Variants in NEDD9 observed in about 807,000 individuals in gnomAD.
NEDD9 encodes the protein enhancer of filamentation 1.
In NEDD9, 26 loss-of-function variants were observed where a neutral mutation model predicts 76.6. The ratio of observed to expected loss-of-function variants is 0.34; its 90% CI spans 0.25 to 0.47. NEDD9 has a LOEUF of 0.47. Ranked by LOEUF, NEDD9 falls within the 20% of genes least tolerant of loss-of-function variation. NEDD9 has a pLI of 1.00. For missense variants in NEDD9, 937 were observed against 1,058.5 expected, an observed-to-expected ratio of 0.89 and a Z score of 1.59; for synonymous variants, 392 against 414.2, an observed-to-expected ratio of 0.95 and a Z score of 0.65.
intron 3 of NEDD9, among the ~76,000 whole-genome samples, chr6:11,296,876 A>T (rs563131207): frequency 1.5e-4 from 23 of 152,120 alleles, no homozygotes; most frequent in African/African-American, 5.5e-4. Flanking sequence ...TTACAGGTGC[A>T]CATCACCATG....
At chr6:11,357,505 C>T (rs532900172) in intron 1 of NEDD9, among the ~76,000 whole-genome samples, 2 of 152,320 alleles carry the variant, frequency 1.3e-5, no homozygotes, top group South Asian at 4.1e-4. Flanking sequence ...CATTATTAAC[C>T]TCTAAATAGG....
At chr6:11,201,821 G>A (rs1464924308) in intron 2 of NEDD9, among the ~76,000 whole-genome samples, 4 of 144,852 alleles carry the variant, frequency 2.8e-5, no homozygotes, top group African/African-American at 7.8e-5. Flanking sequence ...TCTATGTCCC[G>A]TGATTCCTCT....
intron 1 of NEDD9, among the ~76,000 whole-genome samples, chr6:11,365,407 A>T (rs1359334326): frequency 2.6e-5 from 4 of 152,238 alleles, no homozygotes; most frequent in African/African-American, 7.2e-5. Flanking sequence ...CTACGTGTAG[A>T]ATTTGGAGGA....
At chr6:11,352,679 T>C (rs2113537588) in intron 1 of NEDD9, 1 of 152,356 alleles carries the variant, frequency 6.6e-6, no homozygotes, top group South Asian at 2.1e-4. Context: ...CTTCTGTTTC[T>C]TCATCTCTAT....
At chr6:11,234,036 G>A (rs1248925328), upstream of NEDD9, among the ~76,000 whole-genome samples, 3 of 152,168 alleles carry the variant, frequency 2.0e-5, no homozygotes, top group African/African-American at 7.2e-5. Context: ...ATACAGGGTT[G>A]GCAGGTTAGT....
At chr6:11,347,708 T>C (rs955661846) in intron 1 of NEDD9, among the ~76,000 whole-genome samples, 3 of 152,186 alleles carry the variant, frequency 2.0e-5, no homozygotes, top group Non-Finnish European at 4.4e-5. Flanking sequence ...ATCATCTCAA[T>C]AGATGAAGAA....
At chr6:11,315,524 G>T (rs968213912) in intron 2 of NEDD9, among the ~76,000 whole-genome samples, 3 of 152,238 alleles carry the variant, frequency 2.0e-5, no homozygotes, top group Non-Finnish European at 2.9e-5. Context: ...AGAAGAATTT[G>T]TTGGGGATTT....
At chr6:11,244,361 A>G (rs1415475280) in intron 3 of NEDD9, among the ~76,000 whole-genome samples, 3 of 152,178 alleles carry the variant, frequency 2.0e-5, no homozygotes, top group African/African-American at 7.2e-5. Context: ...AATTCCCTTT[A>G]AAACAGTGTC....
rs1757910526 is a variant in NEDD9, at chr6:11,183,795, A to C, written c.*1367T>G. 6.6e-6 allele frequency: 1 copy of C among 152,250 alleles called. No homozygotes were observed. The highest frequency in any genetic ancestry group is 2.4e-5 in the African/African-American group (1 of 41,460). The allele number at this position is 152,250 out of a possible 1,614,324, so 9.4% of individuals were successfully genotyped here. ...TGTTTCCAAGTAGGCTGGAATAAAA[A>C]TGCTAAATAAGAACTGGGCCAAAAG... is the stretch of plus-strand genomic sequence containing the variant. On this transcript the variant is annotated 3_prime_UTR_variant, in exon 7 of 7. Transcript: ENST00000379446.
intron 1 of NEDD9, among the ~76,000 whole-genome samples, chr6:11,335,146 G>A (rs1490508718): frequency 6.6e-6 from 1 of 152,098 alleles, no homozygotes; most frequent in Non-Finnish European, 1.5e-5. Context: ...TCACCATTTG[G>A]TGGTGTTGTC....
intron 3 of NEDD9, among the ~76,000 whole-genome samples, chr6:11,249,773 C>T: frequency 6.6e-6 from 1 of 152,184 alleles, no homozygotes; most frequent in Middle Eastern, 3.2e-3. Flanking sequence ...GACCTCTGCT[C>T]ATGGTAGGTA....
At chr6:11,238,886 G>T (rs9468690) in intron 3 of NEDD9, among the ~76,000 whole-genome samples, 1 of 152,032 alleles carries the variant, frequency 6.6e-6, no homozygotes, top group South Asian at 2.1e-4. Flanking sequence ...ATGGCTGTGT[G>T]CGGTAGCTCA....
intron 2 of NEDD9, among the ~76,000 whole-genome samples, chr6:11,310,302 C>T (rs533441401): frequency 2.0e-5 from 3 of 152,364 alleles, no homozygotes; most frequent in African/African-American, 7.2e-5. Context: ...AGCCTCCTCA[C>T]ATGCCCACTT....
chr6:11,276,393 G>A (rs1037146484), intron 3 of NEDD9, among the ~76,000 whole-genome samples: 38 of 152,148 alleles, frequency 2.5e-4, no homozygotes, highest in African/African-American at 9.2e-4. Flanking sequence ...GTGTGTGTGC[G>A]TGCATGTGTG....
chr6:11,230,051 A>T (rs1759424795), intron 1 of NEDD9, among the ~76,000 whole-genome samples: 1 of 152,268 alleles, frequency 6.6e-6, no homozygotes, highest in Non-Finnish European at 1.5e-5. Flanking sequence ...AGAGCAACGT[A>T]GTATTTTAGA....
At chr6:11,316,395 C>A (rs895553030) in intron 2 of NEDD9, among the ~76,000 whole-genome samples, 2 of 152,172 alleles carry the variant, frequency 1.3e-5, no homozygotes. Context: ...TACTCTCACT[C>A]CCACGTCTGA....
At chr6:11,268,212 T>C (rs1037613940) in intron 3 of NEDD9, among the ~76,000 whole-genome samples, 4 of 152,044 alleles carry the variant, frequency 2.6e-5, no homozygotes, top group Non-Finnish European at 5.9e-5. Context: ...GTATTGCTTT[T>C]TAATAGAGTC....
chr6:11,363,049 C>T (rs115475977), intron 1 of NEDD9, among the ~76,000 whole-genome samples: 49 of 151,924 alleles, frequency 3.2e-4, no homozygotes, highest in African/African-American at 8.2e-4. Flanking sequence ...TTTTGAAATC[C>T]GTCTTTGAAA....
intron 2 of NEDD9, among the ~76,000 whole-genome samples, chr6:11,204,404 T>G (rs567943329): frequency 3.3e-5 from 5 of 152,280 alleles, no homozygotes; most frequent in Non-Finnish European, 5.9e-5. Flanking sequence ...GTTACCCATT[T>G]GAAGGAATTT....
Sources: allele counts gnomAD v4.1 joint callset (sites outside exome capture counted in the v4.1 genomes callset), GRCh38; gene constraint gnomAD v4.1.1; transcripts MANE v1.5; gene names NCBI Gene and HGNC (gene_info 2026-07-23, HGNC 2026-07-21).